SLC25A37: variants seen among roughly 807,000 people sequenced by gnomAD.
SLC25A37 encodes mitoferrin-1.
Under a neutral mutation model 31.0 loss-of-function variants are expected in SLC25A37, and 17 were observed. The observed-to-expected ratio is 0.55, with a 90% CI of 0.38 to 0.82. The LOEUF is 0.82. Ranked by LOEUF, SLC25A37 falls within the 40% of genes least tolerant of loss-of-function variation. The pLI, the probability that SLC25A37 is intolerant of heterozygous loss-of-function variation, is 0.00. For missense variants in SLC25A37, 404 were observed against 465.8 expected (o/e 0.87, Z 1.22); for synonymous variants, 222 against 193.0 (o/e 1.15, Z -1.24).
chr8:23,559,061 G>T (rs896813631), intron 1 of SLC25A37, among the ~76,000 whole-genome samples: 6 of 152,208 alleles, frequency 3.9e-5, no homozygotes, highest in African/African-American at 1.2e-4. Context: ...CGTGTGTTTG[G>T]TCAGGTGTCT....
At chr8:23,546,558 A>ATATATATATATATATATATATATAG (rs1802059970) in intron 1 of SLC25A37, among the ~76,000 whole-genome samples, 1 of 32,696 alleles carries the variant, frequency 3.1e-5, no homozygotes, top group Non-Finnish European at 5.9e-5. Flanking sequence ...TATATAGTGT[A>ATATATATATATATATATATATATAG]TATATATATA....
chr8:23,572,500 T>G lies in SLC25A37; in HGVS notation c.*645T>G, dbSNP rs936352580. ...GTGGCCGGCAGCTGTGTTTAGCCCC[T>G]CCAGATGGAAGTTTCACTTGAATGT... On this transcript the variant is annotated 3_prime_UTR_variant, in exon 4 of 4. Coordinates refer to ENST00000519973, the MANE Select transcript of SLC25A37 (RefSeq NM_016612.4). The G allele has an allele frequency of 6.6e-6, 1 of 152,528 alleles. No individual in the cohort carries two copies. Among genetic ancestry groups the G allele is most frequent in the Non-Finnish European group, 1.5e-5 (1 of 68,022 alleles). The allele number at this position is 152,528 out of a possible 1,614,324, so 9.4% of individuals were successfully genotyped here.
chr8:23,553,642 C>T (rs1320905826), intron 1 of SLC25A37, among the ~76,000 whole-genome samples: 3 of 152,184 alleles, frequency 2.0e-5, no homozygotes, highest in Non-Finnish European at 4.4e-5. Context: ...TGAATACTGA[C>T]GGAGTGCCAG....
intron 1 of SLC25A37, among the ~76,000 whole-genome samples, chr8:23,530,328 A>G (rs2117375734): frequency 6.6e-6 from 1 of 152,316 alleles, no homozygotes; most frequent in African/African-American, 2.4e-5. Context: ...ATTATTTTGC[A>G]AGGCAGGTCC....
At position 23,574,006 on chromosome 8, in the gene SLC25A37, A is replaced by G; in HGVS notation, c.*2151A>G. 2.8e-6 allele frequency: 1 copy of G among 358,176 alleles called. No individual in the cohort carries two copies. Among genetic ancestry groups the G allele is most frequent in the South Asian group, 2.0e-5 (1 of 49,588 alleles). 22.2% of individuals were successfully genotyped at this position (358,176 alleles called of 1,614,324 possible). ...ATCAAATTCTAAATTTCAAAGTAGA[A>G]TTTAAAGCAAATTTGTAAAAAAATT... On this transcript the variant is annotated 3_prime_UTR_variant, in exon 4 of 4. Transcript: ENST00000519973.
intron 3 of SLC25A37, among the ~76,000 whole-genome samples, chr8:23,570,903 C>T (rs1294428550): frequency 6.6e-6 from 1 of 152,122 alleles, no homozygotes; most frequent in Non-Finnish European, 1.5e-5. Context: ...CACAAGGGGG[C>T]ACGCTTCCAG....
rs189711064 is a variant in SLC25A37, at chr8:23,574,081, G to C, written c.*2226G>C. 30 of 336,622 alleles carry C rather than the reference G, an allele frequency of 8.9e-5. No homozygotes were observed. The East Asian group carries it at 2.2e-3, about 25-fold the overall frequency. 20.9% of individuals were successfully genotyped at this position (336,622 alleles called of 1,614,324 possible). A position where few individuals can be genotyped will look rare whatever the true frequency, so the allele number is the denominator to read the frequency against. On this transcript the variant is annotated 3_prime_UTR_variant, in exon 4 of 4. Transcript: ENST00000519973. The stretch of plus-strand genomic sequence containing the variant: ...TTAAGATATGCCACGCTGAAGCAAG[G>C]TATTTCCTACTGGATTTTGCTTTCA...
chr8:23,534,285 A>AAAGTTCCCTCAACCTTCCCTC (rs568576185), intron 1 of SLC25A37, among the ~76,000 whole-genome samples: 62 of 152,206 alleles, frequency 4.1e-4, no homozygotes, highest in African/African-American at 1.4e-3. Context: ...AACCTTCCCT[A>AAAGTTCCCTCAACCTTCCCTC]AAGTTCCCTC....
intron 1 of SLC25A37, chr8:23,541,613 C>T (rs1801895706): frequency 6.6e-6 from 1 of 152,316 alleles, no homozygotes; most frequent in South Asian, 2.1e-4. Context: ...AGGTTTGCAG[C>T]CTGCAGGAAG....
intron 2 of SLC25A37, 156 bp downstream of exon 2, chr8:23,566,492 A>G (rs1031990814): frequency 2.9e-6 from 4 of 1,388,460 alleles, no homozygotes; most frequent in Admixed American, 7.3e-5. Flanking sequence ...ACCCAGACAC[A>G]CGCACGCACA....
chr8:23,563,970 GACTCC>G (rs1802583397), intron 1 of SLC25A37, among the ~76,000 whole-genome samples: 1 of 152,146 alleles, frequency 6.6e-6, no homozygotes, highest in South Asian at 2.1e-4. Context: ...AACAGTGTGA[GACTCC>G]GTGTCAAAGA....
At position 23,535,750 on chromosome 8, in the gene SLC25A37, A is replaced by T. The variant is rs527770252; in HGVS notation, c.210+6538A>T. Among the ~76,000 whole-genome samples the T allele has an allele frequency of 9.2e-5, 14 of 152,340 alleles. No homozygotes were observed. In the East Asian group the frequency reaches 2.5e-3, roughly 27 times the overall value. Reference sequence around the variant, plus strand: ...CCTCACAATCATGGCAGAAGGCAAAAGGCACATCTTACATGGTAACAGACA... The same window carrying T: ...CCTCACAATCATGGCAGAAGGCAAATGGCACATCTTACATGGTAACAGACA... On this transcript the variant is annotated intron_variant, in intron 1 of 3. Coordinates refer to ENST00000519973, the MANE Select transcript of SLC25A37 (RefSeq NM_016612.4).
At chr8:23,554,373 C>T (rs1420825313) in intron 1 of SLC25A37, among the ~76,000 whole-genome samples, 1 of 152,186 alleles carries the variant, frequency 6.6e-6, no homozygotes, top group African/African-American at 2.4e-5. Flanking sequence ...GACAGGGAAG[C>T]TGGGCAGGAG....
chr8:23,547,404 G>C (rs1022240029), intron 1 of SLC25A37, among the ~76,000 whole-genome samples: 3 of 152,220 alleles, frequency 2.0e-5, no homozygotes, highest in African/African-American at 7.2e-5. Flanking sequence ...ATTAGCTTGA[G>C]ATGACCAGGG....
At chr8:23,558,956 G>GA (rs1306313790) in intron 1 of SLC25A37, among the ~76,000 whole-genome samples, 1 of 152,232 alleles carries the variant, frequency 6.6e-6, no homozygotes, top group African/African-American at 2.4e-5. Flanking sequence ...ACAGTTGCCA[G>GA]AGGGGTCTTT....
chr8:23,564,455 T>C (rs1165541171), intron 1 of SLC25A37, among the ~76,000 whole-genome samples: 1 of 110,296 alleles, frequency 9.1e-6, no homozygotes, highest in Non-Finnish European at 1.8e-5. Context: ...TCCTCTAGGA[T>C]GTGTGTTGGG....
intron 1 of SLC25A37, among the ~76,000 whole-genome samples, chr8:23,561,918 G>A (rs76892835): frequency 0.019 from 2,869 of 152,288 alleles, 41 homozygotes; most frequent in East Asian, 0.067. Context: ...ACTGGGGACC[G>A]GAGAGATGAG....
At chr8:23,566,715 CAAAAA>C (rs74273493) in intron 2 of SLC25A37, 1 of 454,572 alleles carries the variant, frequency 2.2e-6, no homozygotes, top group African/African-American at 2.4e-5. Flanking sequence ...ATGCTGGATT[CAAAAA>C]AAAAAAAAAG....
At chr8:23,546,531 GTATATA>G (rs1251864600) in intron 1 of SLC25A37, among the ~76,000 whole-genome samples, 8 of 36,432 alleles carry the variant, frequency 2.2e-4, no homozygotes, top group Non-Finnish European at 4.1e-4. Flanking sequence ...ATATATAGGT[GTATATA>G]TATATATATA....
Sources: gnomAD v4.1 joint callset for allele counts (sites outside exome capture counted in the v4.1 genomes callset) on GRCh38, gnomAD v4.1.1 for gene constraint, MANE v1.5 for transcripts, NCBI Gene and HGNC (gene_info 2026-07-23, HGNC 2026-07-21) for gene names.